The following MYH15 variants were observed in gnomAD, a reference collection of about 807,000 sequenced individuals.
MYH15 encodes myosin-15.
Under a neutral mutation model 240.5 loss-of-function variants are expected in MYH15, and 227 were observed. The observed-to-expected ratio is 0.94, with a 90% CI of 0.85 to 1.05. MYH15 has a LOEUF of 1.05. Among genes scored for constraint, MYH15 ranks in the 50% least tolerant of loss-of-function variants. The pLI is 0.00. For synonymous variants in MYH15, 785 were observed against 796.7 expected (o/e 0.99, Z 0.25); for missense variants, 2,217 against 2,247.5 (o/e 0.99, Z 0.27).
At chr3:108,473,898 G>A (rs13060568) in intron 12 of MYH15, among the ~76,000 whole-genome samples, 12,299 of 152,156 alleles carry the variant, frequency 0.081, 549 homozygotes, top group Middle Eastern at 0.1. Flanking sequence ...GAATGCTACT[G>A]GCATTCAGTT....
At chr3:108,510,636 T>C, upstream of MYH15, 1 of 1,563,356 alleles carries the variant, frequency 6.4e-7, no homozygotes, top group Middle Eastern at 1.7e-4. Context: ...AAATAAGGCA[T>C]CAAGCTCTAA....
intron 1 of MYH15, among the ~76,000 whole-genome samples, chr3:108,507,192 G>T (rs891195997): frequency 8.1e-6 from 1 of 122,938 alleles, no homozygotes; most frequent in South Asian, 2.5e-4. Flanking sequence ...GTATGTATAT[G>T]CAATATATCA....
chr3:108,466,644 T>A (rs2083120854), intron 14 of MYH15, among the ~76,000 whole-genome samples: 1 of 152,176 alleles, frequency 6.6e-6, no homozygotes, highest in South Asian at 2.1e-4. Context: ...TATCAGCCCA[T>A]GAAATTATTC....
At chr3:108,468,333 C>T (rs548630516) in intron 14 of MYH15, among the ~76,000 whole-genome samples, 14 of 152,020 alleles carry the variant, frequency 9.2e-5, no homozygotes, top group South Asian at 4.1e-4. Context: ...TTTTCTTATA[C>T]GTATACAGAG....
At chr3:108,504,102 C>G (rs980419111) in intron 2 of MYH15, among the ~76,000 whole-genome samples, 1 of 152,178 alleles carries the variant, frequency 6.6e-6, no homozygotes, top group Non-Finnish European at 1.5e-5. Context: ...ATAGGCAAAT[C>G]TATAGAGTTA....
At chr3:108,400,803 T>G (rs956062341) in intron 33 of MYH15, among the ~76,000 whole-genome samples, 8 of 151,900 alleles carry the variant, frequency 5.3e-5, no homozygotes, top group African/African-American at 1.9e-4. Flanking sequence ...AGCGAGACTC[T>G]TGTCTCAAAA....
chr3:108,381,431 G>T lies in MYH15; in HGVS notation c.*114C>A. 1 of 1,219,518 alleles carries T rather than the reference G, an allele frequency of 8.2e-7. No individual in the cohort carries two copies. The highest frequency in any genetic ancestry group is 1.2e-6 in the Non-Finnish European group (1 of 822,798). The allele number at this position is 1,219,518 out of a possible 1,614,324, so 75.5% of individuals were successfully genotyped here. ...TCTAATTGCCTTGTTTATATGGTGT[G>T]AAAAGCAATTTAAACATGTTTTTAA... is the stretch of plus-strand genomic sequence containing the variant. On this transcript the variant is annotated 3_prime_UTR_variant, in exon 41 of 41. Coordinates refer to ENST00000693548, the MANE Select transcript of MYH15 (RefSeq NM_014981.3).
rs1172787673 is a variant in MYH15, at chr3:108,470,822, G to A, written c.1259C>T (p.Ser420Phe). The A allele has an allele frequency of 6.2e-7, 1 of 1,613,622 alleles. No homozygotes were observed. Among genetic ancestry groups the A allele is most frequent in the Non-Finnish European group, 8.5e-7 (1 of 1,179,778 alleles). Residue 420 changes from serine to phenylalanine, a missense_variant, in exon 13 of 41, where the codon TCC (serine) becomes TTC (phenylalanine). Physicochemically the swap from Ser to Phe is radical, Grantham distance 155 (BLOSUM62 -2). Transcript: ENST00000693548. ...EQVTCAVGAL[S>F]KSMYERMFKW... ...AAACATCCTTTCATACATTGACTTGGACAGGGCACCGACAGCACAGGTTAC... is the reference window on the plus strand; with the variant it reads ...AAACATCCTTTCATACATTGACTTGAACAGGGCACCGACAGCACAGGTTAC...
intron 28 of MYH15, among the ~76,000 whole-genome samples, chr3:108,419,696 T>A (rs1018328374): frequency 6.6e-6 from 1 of 152,210 alleles, no homozygotes; most frequent in Non-Finnish European, 1.5e-5. Flanking sequence ...CAAAAACATT[T>A]CCTTCTTCTA....
chr3:108,470,031 A>G lies in MYH15; in HGVS notation c.1554+11T>C. On this transcript the variant is annotated intron_variant, in intron 14 of 40. Coordinates refer to ENST00000693548, the MANE Select transcript of MYH15 (RefSeq NM_014981.3). ...GAAATGAAAATGGACAAAGAGAAAAACATATATTACCTTCTCAATGAGATC... is the reference window on the plus strand; with the variant it reads ...GAAATGAAAATGGACAAAGAGAAAAGCATATATTACCTTCTCAATGAGATC... 1 of 1,586,454 alleles carries G rather than the reference A, an allele frequency of 6.3e-7. No individual in the cohort carries two copies. The highest frequency in any genetic ancestry group is 8.5e-7 in the Non-Finnish European group (1 of 1,171,264).
chr3:108,547,565 T>C, the MYH15 span, among the ~76,000 whole-genome samples: 1 of 152,132 alleles, frequency 6.6e-6, no homozygotes. Context: ...AACATGCCTA[T>C]TTATTTTCTT....
In MYH15 at chr3:108,380,495, A is replaced by C. The variant is rs1307541774; in HGVS notation, c.*1050T>G. The stretch of plus-strand genomic sequence containing the variant: ...TGAAGTCACTGTAGGTCGACTGTGA[A>C]TGCAGCAAGGATGAAGGGAAGTCCA... On this transcript the variant is annotated 3_prime_UTR_variant, in exon 41 of 41. Transcript: ENST00000693548. The C allele has an allele frequency of 1.3e-5, 2 of 152,422 alleles. No individual in the cohort carries two copies. Among genetic ancestry groups the C allele is most frequent in the Non-Finnish European group, 2.9e-5 (2 of 68,206 alleles). The allele number at this position is 152,422 out of a possible 1,614,324, so 9.4% of individuals were successfully genotyped here.
upstream of MYH15, among the ~76,000 whole-genome samples, chr3:108,529,867 G>A (rs1439035320): frequency 1.3e-5 from 2 of 152,184 alleles, no homozygotes; most frequent in African/African-American, 4.8e-5. Context: ...CTAGCAGTCT[G>A]TAGTGGCTGA....
intron 18 of MYH15, among the ~76,000 whole-genome samples, chr3:108,457,913 A>T (rs1300170429): frequency 6.6e-6 from 1 of 152,204 alleles, no homozygotes; most frequent in Non-Finnish European, 1.5e-5. Flanking sequence ...ACATGCCTGT[A>T]GTCCCAGCTA....
chr3:108,401,323 C>G (rs2082503932), intron 33 of MYH15, among the ~76,000 whole-genome samples: 1 of 152,092 alleles, frequency 6.6e-6, no homozygotes, highest in Non-Finnish European at 1.5e-5. Flanking sequence ...GGAAGAGACA[C>G]AGGGATGCAT....
chr3:108,507,242 T>TTC lies in MYH15; in HGVS notation c.89-1414_89-1413insGA, dbSNP rs1226072168. 1.8e-3 allele frequency among the ~76,000 whole-genome samples: 72 copies of TTC among 40,354 alleles called. 2 individuals carry two copies. The East Asian group carries it at 0.019, about 11-fold the overall frequency. The allele number at this position is 40,354 out of a possible 152,430, so 26.5% of individuals were successfully genotyped here. A position where few individuals can be genotyped will look rare whatever the true frequency, so the allele number is the denominator to read the frequency against. The stretch of plus-strand genomic sequence containing the variant: ...AGGAAAATGAATATATATATATATA[T>TTC]ATATATATATATATATATATATATA... On this transcript the variant is annotated intron_variant, in intron 1 of 40. Transcript: ENST00000693548.
intron 7 of MYH15, among the ~76,000 whole-genome samples, chr3:108,493,641 T>C (rs2083370098): frequency 6.6e-6 from 1 of 152,206 alleles, no homozygotes; most frequent in Non-Finnish European, 1.5e-5. Context: ...ACATGGCCCC[T>C]ACCCTCATGA....
chr3:108,398,445 T>C (rs957061094), intron 35 of MYH15, among the ~76,000 whole-genome samples, 192 bp downstream of exon 35: 6 of 152,212 alleles, frequency 3.9e-5, no homozygotes, highest in Non-Finnish European at 7.4e-5. Flanking sequence ...ACCCTGTTTG[T>C]GGTACTTTGT....
the MYH15 span, among the ~76,000 whole-genome samples, chr3:108,537,600 AAG>A: frequency 1.3e-5 from 2 of 152,268 alleles, no homozygotes; most frequent in South Asian, 2.1e-4. Context: ...AGCATCTTAG[AAG>A]AGAGCAGCCC....
Sources: allele counts gnomAD v4.1 joint callset (sites outside exome capture counted in the v4.1 genomes callset), GRCh38; gene constraint gnomAD v4.1.1; transcripts MANE v1.5; gene names NCBI Gene and HGNC (gene_info 2026-07-23, HGNC 2026-07-21).